Variants in DNAJC10 observed in about 807,000 individuals in gnomAD.
DNAJC10 encodes endoplasmic reticulum disulfide reductase DNAJC10.
DNAJC10 carries 101 observed loss-of-function variants against 115.0 expected under a neutral mutation model. The ratio of observed to expected loss-of-function variants is 0.88; its 90% CI spans 0.75 to 1.04. DNAJC10 has a LOEUF of 1.04. DNAJC10 is among the 50% of genes least tolerant of loss of function. DNAJC10 has a pLI of 0.00. For synonymous variants in DNAJC10, 307 were observed against 301.5 expected (o/e 1.02, Z -0.19); for missense variants, 981 against 928.8 (o/e 1.06, Z -0.73).
At chr2:182,752,552 AT>A (rs1694050288) in intron 16 of DNAJC10, 1 of 913,790 alleles carries the variant, frequency 1.1e-6, no homozygotes, top group Admixed American at 6.2e-5. Context: ...TTCTAAGTAT[AT>A]TTGCTGGAAA....
intron 13 of DNAJC10, among the ~76,000 whole-genome samples, chr2:182,742,881 C>G (rs944148152): frequency 6.6e-6 from 1 of 151,120 alleles, no homozygotes; most frequent in African/African-American, 2.4e-5. Flanking sequence ...TAGTGTCACT[C>G]TGTCAGCCAG....
chr2:182,761,706 A>G (rs3098358), intron 21 of DNAJC10, among the ~76,000 whole-genome samples: 151,708 of 152,232 alleles, frequency 1, 75,595 homozygotes, highest in East Asian at 1. Flanking sequence ...CTGTGTTTGG[A>G]TGCTTATGCG....
chr2:182,717,200 T>C (rs1693016684), intron 2 of DNAJC10, 128 bp downstream of exon 2: 1 of 152,210 alleles, frequency 6.6e-6, no homozygotes, highest in African/African-American at 2.4e-5. Flanking sequence ...TGAAATGTGA[T>C]ATGATGAAGT....
intron 22 of DNAJC10, among the ~76,000 whole-genome samples, chr2:182,764,331 A>G (rs997063136): frequency 6.6e-6 from 1 of 152,206 alleles, no homozygotes; most frequent in African/African-American, 2.4e-5. Flanking sequence ...CTGTGTGAAT[A>G]GATTCTGTCA....
intron 22 of DNAJC10, among the ~76,000 whole-genome samples, chr2:182,765,988 A>T (rs1171782768): frequency 2.6e-5 from 4 of 152,208 alleles, no homozygotes; most frequent in Non-Finnish European, 5.9e-5. Flanking sequence ...GTAAGTGTAC[A>T]CGGTAACGTG....
At position 182,783,437 on chromosome 2, in the gene DNAJC10, CAAA is replaced by C. The variant is rs1049583112; in HGVS notation, c.*6311_*6313del. On this transcript the variant is annotated 3_prime_UTR_variant, in exon 24 of 24. Coordinates refer to ENST00000264065, the MANE Select transcript of DNAJC10 (RefSeq NM_018981.4). ...AAGGCAAAAAATACATATACACACA[CAAA>C]AAAAATATTTCAGCAGCCACTGCCA... 1 of 151,608 alleles carries C rather than the reference CAAA, an allele frequency of 6.6e-6. No homozygotes were observed. Among genetic ancestry groups the C allele is most frequent in the Non-Finnish European group, 1.5e-5 (1 of 67,868 alleles). 9.4% of individuals were successfully genotyped at this position (151,608 alleles called of 1,614,324 possible). A position where few individuals can be genotyped will look rare whatever the true frequency, so the allele number is the denominator to read the frequency against.
intron 5 of DNAJC10, among the ~76,000 whole-genome samples, chr2:182,727,013 G>A (rs1034655950): frequency 3.3e-5 from 5 of 151,132 alleles, no homozygotes; most frequent in Admixed American, 1.3e-4. Flanking sequence ...GAGCCACTGC[G>A]CCCAGCCTAT....
intron 14 of DNAJC10, among the ~76,000 whole-genome samples, chr2:182,747,570 C>T (rs1299334669): frequency 6.6e-6 from 1 of 151,906 alleles, no homozygotes; most frequent in Non-Finnish European, 1.5e-5. Context: ...GATTTTTGCA[C>T]ATTGATTTTG....
intron 11 of DNAJC10, among the ~76,000 whole-genome samples, chr2:182,739,189 CAT>C (rs1034904451): frequency 5.6e-5 from 8 of 142,778 alleles, no homozygotes; most frequent in Admixed American, 2.1e-4. Flanking sequence ...TAGTATATAT[CAT>C]ATATATTTAT....
At position 182,777,183 on chromosome 2, in the gene DNAJC10, C is replaced by G; in HGVS notation, c.*51C>G. The G allele has an allele frequency of 1.8e-6, 2 of 1,130,470 alleles. 1 individual carries two copies. The highest frequency in any genetic ancestry group is 2.5e-6 in the Non-Finnish European group (2 of 813,824). The allele number at this position is 1,130,470 out of a possible 1,614,324, so 70.0% of individuals were successfully genotyped here. A position where few individuals can be genotyped will look rare whatever the true frequency, so the allele number is the denominator to read the frequency against. On this transcript the variant is annotated 3_prime_UTR_variant, in exon 24 of 24. Coordinates refer to ENST00000264065, the MANE Select transcript of DNAJC10 (RefSeq NM_018981.4). Reference sequence around the variant, plus strand: ...TAAAAGAAATTCTGACAGATGACATCAGAAGACACCTATTTAGAATGTTAC... The same window carrying G: ...TAAAAGAAATTCTGACAGATGACATGAGAAGACACCTATTTAGAATGTTAC...
chr2:182,743,385 T>A (rs1693784621), intron 13 of DNAJC10, among the ~76,000 whole-genome samples: 1 of 152,174 alleles, frequency 6.6e-6, no homozygotes, highest in African/African-American at 2.4e-5. Context: ...TTCCTCAGGT[T>A]TTTTTTAACT....
Position 182,785,271 on chromosome 2 carries a change from CAT to C in DNAJC10, c.*8141_*8142del, listed in dbSNP as rs1444970616. 1.3e-5 allele frequency: 2 copies of C among 151,932 alleles called. No homozygotes were observed. The highest frequency in any genetic ancestry group is 2.1e-4 in the South Asian group (1 of 4,830). 9.4% of individuals were successfully genotyped at this position (151,932 alleles called of 1,614,324 possible). The stretch of plus-strand genomic sequence containing the variant: ...AATGGATCACTTCTAATAAATAAAA[CAT>C]AAAATTGGACTAATAGCTTAATTTT... On this transcript the variant is annotated 3_prime_UTR_variant, in exon 24 of 24. Coordinates refer to ENST00000264065, the MANE Select transcript of DNAJC10 (RefSeq NM_018981.4).
At chr2:182,732,142 T>C (rs1693463275) in intron 9 of DNAJC10, among the ~76,000 whole-genome samples, 1 of 152,152 alleles carries the variant, frequency 6.6e-6, no homozygotes, top group Admixed American at 6.6e-5. Flanking sequence ...CTATCAAATA[T>C]CTATTACATT....
intron 21 of DNAJC10, among the ~76,000 whole-genome samples, chr2:182,761,110 A>G (rs1156260061): frequency 1.3e-5 from 2 of 152,178 alleles, no homozygotes; most frequent in Non-Finnish European, 2.9e-5. Flanking sequence ...AGATGAAAAG[A>G]AAGAAATTCC....
chr2:182,718,528 C>T (rs560953821), intron 3 of DNAJC10, among the ~76,000 whole-genome samples: 1 of 152,224 alleles, frequency 6.6e-6, no homozygotes, highest in East Asian at 1.9e-4. Flanking sequence ...TCCAACAATT[C>T]TATTAAAGAC....
In DNAJC10 at chr2:182,752,085, G is replaced by A. The variant is rs151108303; in HGVS notation, c.1448G>A (p.Cys483Tyr). 1 of 1,613,024 alleles carries A rather than the reference G, an allele frequency of 6.2e-7. No individual in the cohort carries two copies. The highest frequency in any genetic ancestry group is 8.5e-7 in the Non-Finnish European group (1 of 1,179,426). ...TTTCTTTCCTAGTGGTGTCCACCAT[G>A]TCGAGCTTTACTACCAGAGTTACGA... Reference protein sequence around the residue: ...VDFFAPWCPPCRALLPELRRA... With the variant: ...VDFFAPWCPPYRALLPELRRA... The change falls in exon 16 of 24, where the codon TGT becomes TAT. Residue 483 changes from cysteine (C) to tyrosine (Y), a missense_variant. Transcript: ENST00000264065.
chr2:182,733,028 T>C (rs1176689913), intron 10 of DNAJC10, among the ~76,000 whole-genome samples: 1 of 151,968 alleles, frequency 6.6e-6, no homozygotes, highest in Non-Finnish European at 1.5e-5. Flanking sequence ...AATATAATAA[T>C]GTTATGTTAG....
At position 182,790,025 on chromosome 2, in the gene DNAJC10, C is replaced by G. The variant is rs574412295; in HGVS notation, c.*12893C>G. 1.3e-5 allele frequency: 2 copies of G among 152,288 alleles called. No individual in the cohort carries two copies. Among genetic ancestry groups the G allele is most frequent in the East Asian group, 1.9e-4 (1 of 5,182 alleles). The allele number at this position is 152,288 out of a possible 1,614,324, so 9.4% of individuals were successfully genotyped here. A position where few individuals can be genotyped will look rare whatever the true frequency, so the allele number is the denominator to read the frequency against. ...TTTGGATGCCCTTTTCATCCTTCACCTCATCCTGTAAACCCAAAATCTAAC... is the reference window on the plus strand; with the variant it reads ...TTTGGATGCCCTTTTCATCCTTCACGTCATCCTGTAAACCCAAAATCTAAC... On this transcript the variant is annotated 3_prime_UTR_variant, in exon 24 of 24. Transcript: ENST00000264065.
Position 182,777,358 on chromosome 2 carries a change from G to T in DNAJC10, c.*226G>T. On this transcript the variant is annotated 3_prime_UTR_variant, in exon 24 of 24. Coordinates refer to ENST00000264065, the MANE Select transcript of DNAJC10 (RefSeq NM_018981.4). ...TTAGACTTTGCAGGCTATAATATATGGTTCACACATGAGAACAAGAATAGA... is the reference window on the plus strand; with the variant it reads ...TTAGACTTTGCAGGCTATAATATATTGTTCACACATGAGAACAAGAATAGA... 1 of 330,424 alleles carries T rather than the reference G, an allele frequency of 3.0e-6. No homozygotes were observed. 20.5% of individuals were successfully genotyped at this position (330,424 alleles called of 1,614,324 possible). A position where few individuals can be genotyped will look rare whatever the true frequency, so the allele number is the denominator to read the frequency against.
Sources: gnomAD v4.1 joint callset for allele counts (sites outside exome capture counted in the v4.1 genomes callset) on GRCh38, gnomAD v4.1.1 for gene constraint, MANE v1.5 for transcripts, NCBI Gene and HGNC (gene_info 2026-07-23, HGNC 2026-07-21) for gene names.